CTIF: variants seen among roughly 807,000 people sequenced by gnomAD.
The protein encoded by CTIF is CBP80/20-dependent translation initiation factor.
In CTIF, 21 loss-of-function variants were observed where a neutral mutation model predicts 66.0. The observed-to-expected ratio is 0.32, with a 90% CI of 0.23 to 0.46. The LOEUF (loss-of-function observed/expected upper bound fraction) is 0.46, where lower values mean the gene tolerates loss of function less well. Among genes scored for constraint, CTIF ranks in the 20% least tolerant of loss-of-function variants. The pLI, the probability that CTIF is intolerant of heterozygous loss-of-function variation, is 1.00. For missense variants in CTIF, 739 were observed against 812.7 expected, an observed-to-expected ratio of 0.91 and a Z score of 1.10; for synonymous variants, 345 against 326.4, an observed-to-expected ratio of 1.06 and a Z score of -0.62.
At chr18:48,568,220 C>T (rs1051789475) in intron 1 of CTIF, 1 of 152,044 alleles carries the variant, frequency 6.6e-6, no homozygotes, top group African/African-American at 2.4e-5. Context: ...TATGAGATAG[C>T]AAAAAGTAGG....
At chr18:48,560,114 G>A (rs1330272145) in intron 1 of CTIF, among the ~76,000 whole-genome samples, 2 of 152,148 alleles carry the variant, frequency 1.3e-5, no homozygotes, top group Non-Finnish European at 2.9e-5. Context: ...AACAGTCTCT[G>A]GAGTGTCACT....
At chr18:48,540,379 G>A (rs1221143109) in intron 1 of CTIF, 1 of 151,832 alleles carries the variant, frequency 6.6e-6, no homozygotes, top group African/African-American at 2.4e-5. Context: ...GGCGGGCGGG[G>A]GGGCGATGGC....
intron 1 of CTIF, among the ~76,000 whole-genome samples, chr18:48,604,383 T>C (rs2090166054): frequency 6.6e-6 from 1 of 151,488 alleles, no homozygotes; most frequent in Admixed American, 6.6e-5. Flanking sequence ...TTTCACAGTG[T>C]TAGCCAGGAT....
chr18:48,738,260 G>A (rs941778904), intron 7 of CTIF, among the ~76,000 whole-genome samples: 1 of 152,046 alleles, frequency 6.6e-6, no homozygotes, highest in Non-Finnish European at 1.5e-5. Context: ...CTGGGCCAAG[G>A]CAGTGTGGGC....
chr18:48,588,552 C>G (rs939586996), intron 1 of CTIF, among the ~76,000 whole-genome samples: 1 of 152,170 alleles, frequency 6.6e-6, no homozygotes, highest in African/African-American at 2.4e-5. Context: ...CTAGCTGATC[C>G]CCCAAACACA....
chr18:48,626,889 T>G (rs1340631352), intron 2 of CTIF, among the ~76,000 whole-genome samples: 1 of 151,320 alleles, frequency 6.6e-6, no homozygotes, highest in Non-Finnish European at 1.5e-5. Context: ...ACTCCTGACC[T>G]CAGGTGATCC....
At chr18:48,617,752 C>A (rs2090423943) in intron 1 of CTIF, among the ~76,000 whole-genome samples, 1 of 152,232 alleles carries the variant, frequency 6.6e-6, no homozygotes, top group Non-Finnish European at 1.5e-5. Flanking sequence ...ACCCTTGCCT[C>A]CACATCTGGT....
intron 6 of CTIF, among the ~76,000 whole-genome samples, chr18:48,694,626 T>C (rs2091979133): frequency 6.6e-6 from 1 of 152,224 alleles, no homozygotes; most frequent in Non-Finnish European, 1.5e-5. Flanking sequence ...AGACAACCCA[T>C]AAAGACCTTT....
At chr18:48,749,990 G>A (rs1238648171) in intron 7 of CTIF, among the ~76,000 whole-genome samples, 6 of 152,246 alleles carry the variant, frequency 3.9e-5, no homozygotes, top group Admixed American at 1.3e-4. Flanking sequence ...CAGGGCAGCC[G>A]CGTGCTCTTC....
intron 10 of CTIF, among the ~76,000 whole-genome samples, chr18:48,847,124 A>G (rs1328648350): frequency 6.6e-6 from 1 of 152,038 alleles, no homozygotes; most frequent in African/African-American, 2.4e-5. Context: ...CCCGGCCAAC[A>G]TGGTGAAACC....
chr18:48,829,619 A>G (rs886696966), intron 10 of CTIF, among the ~76,000 whole-genome samples: 4 of 152,180 alleles, frequency 2.6e-5, no homozygotes, highest in African/African-American at 7.2e-5. Context: ...CCCTCCATCT[A>G]GCAGTTGGGG....
chr18:48,782,120 C>T (rs936729341), intron 9 of CTIF, among the ~76,000 whole-genome samples: 9 of 151,518 alleles, frequency 5.9e-5, no homozygotes, highest in Non-Finnish European at 1.2e-4. Flanking sequence ...GGGTGGGTCA[C>T]GGGCCCAGCC....
chr18:48,741,973 C>T (rs2092558886), intron 7 of CTIF, among the ~76,000 whole-genome samples: 1 of 152,198 alleles, frequency 6.6e-6, no homozygotes. Context: ...GCTCCTGACC[C>T]ACAGCAAAAA....
chr18:48,550,493 A>G (rs1174502469), intron 1 of CTIF, among the ~76,000 whole-genome samples: 1 of 152,156 alleles, frequency 6.6e-6, no homozygotes, highest in African/African-American at 2.4e-5. Context: ...CCCTCCCCAA[A>G]CCACTATCCC....
chr18:48,736,098 T>G (rs755625706), intron 7 of CTIF, among the ~76,000 whole-genome samples: 59 of 152,192 alleles, frequency 3.9e-4, no homozygotes, highest in Non-Finnish European at 6.8e-4. Flanking sequence ...CCAAGCCGCC[T>G]CTGGGTGCGA....
At chr18:48,806,004 T>G (rs1438803086) in intron 9 of CTIF, among the ~76,000 whole-genome samples, 5 of 152,018 alleles carry the variant, frequency 3.3e-5, no homozygotes, top group African/African-American at 1.2e-4. Flanking sequence ...TAGCAAAAAG[T>G]CAGGTCATCA....
intron 6 of CTIF, among the ~76,000 whole-genome samples, chr18:48,694,005 CT>C (rs1393903096): frequency 6.6e-6 from 1 of 152,228 alleles, no homozygotes; most frequent in African/African-American, 2.4e-5. Context: ...ACATTTTGGA[CT>C]TTGTGTAAAT....
chr18:48,711,519 C>A, intron 6 of CTIF, 100 bp from the exon 7 acceptor site: 1 of 895,850 alleles, frequency 1.1e-6, no homozygotes, highest in Non-Finnish European at 1.8e-6. Context: ...CTCTTGATGT[C>A]TTTCTGTCTT....
chr18:48,857,789 C>T, intron 11 of CTIF, 148 bp downstream of exon 11: 3 of 611,926 alleles, frequency 4.9e-6, no homozygotes, highest in Non-Finnish European at 8.2e-6. Context: ...TGGACTTCTG[C>T]ATCCAGAATT....
Sources: gnomAD v4.1 joint callset for allele counts (sites outside exome capture counted in the v4.1 genomes callset) on GRCh38, gnomAD v4.1.1 for gene constraint, MANE v1.5 for transcripts, NCBI Gene and HGNC (gene_info 2026-07-23, HGNC 2026-07-21) for gene names.